PGD: variants seen among roughly 807,000 people sequenced by gnomAD.
PGD encodes phosphogluconate dehydrogenase.
Under a neutral mutation model 60.4 loss-of-function variants are expected in PGD, and 21 were observed. That is an observed-to-expected ratio of 0.35 (90% confidence interval 0.25 to 0.50). The LOEUF (loss-of-function observed/expected upper bound fraction) is 0.50, where lower values mean the gene tolerates loss of function less well. PGD is among the 20% of genes least tolerant of loss of function. The pLI, the probability that PGD is intolerant of heterozygous loss-of-function variation, is 0.98. For synonymous variants in PGD, 230 were observed against 235.9 expected (o/e 0.97, Z 0.23); for missense variants, 477 against 613.1 (o/e 0.78, Z 2.34).
rs543426528 is a variant in PGD at position 10,409,649 on chromosome 1, CTTTTTTT to C, written c.519+1529_519+1535del. 2.7e-4 allele frequency among the ~76,000 whole-genome samples: 20 copies of C among 75,404 alleles called. 1 individual carries two copies. Among genetic ancestry groups the C allele is most frequent in the African/African-American group, 1.1e-3 (18 of 16,422 alleles). The allele number at this position is 75,404 out of a possible 152,430, so 49.5% of individuals were successfully genotyped here. ...CTGCAATAAAAGTGAGTGGTAGCAA[CTTTTTTT>C]TTTTTTTTTTTTTTTTTTTGAGACA... On this transcript the variant is annotated intron_variant, in intron 6 of 12. Transcript: ENST00000270776.
chr1:10,407,697 G>C (rs749189154), intron 5 of PGD, among the ~76,000 whole-genome samples: 1 of 152,098 alleles, frequency 6.6e-6, no homozygotes, highest in Non-Finnish European at 1.5e-5. Context: ...TGTAATCCCA[G>C]CACATTGGGT....
chr1:10,419,712 A>T lies in PGD; in HGVS notation c.1415A>T (p.His472Leu), dbSNP rs779614121. The change falls in exon 13 of 13, where the codon CAT (histidine) becomes CTT (leucine). Residue 472 changes from histidine (H) to leucine (L), a missense_variant. His to Leu is a moderately conservative substitution (Grantham distance 99). Transcript: ENST00000270776. The part of the protein sequence containing the change: ...GQFIHTNWTG[H>L]GGTVSSSSYN... ...TTTATCCACACCAACTGGACAGGCC[A>T]TGGTGGCACCGTGTCATCCTCGTCA... 1 of 1,614,246 alleles carries T rather than the reference A, an allele frequency of 6.2e-7. No individual in the cohort carries two copies. The highest frequency in any genetic ancestry group is 1.1e-5 in the South Asian group (1 of 91,088).
At chr1:10,417,196 T>C (rs1262469062) in intron 9 of PGD, 79 bp downstream of exon 9, 1 of 1,536,536 alleles carries the variant, frequency 6.5e-7, no homozygotes, top group East Asian at 2.3e-5. Flanking sequence ...GGGAGAACAC[T>C]CGAGGCCACA....
At chr1:10,404,976 A>G (rs1292958916) in intron 5 of PGD, among the ~76,000 whole-genome samples, 1 of 152,216 alleles carries the variant, frequency 6.6e-6, no homozygotes, top group Non-Finnish European at 1.5e-5. Context: ...CACTTTGGGA[A>G]GCTGCGGTGA....
Position 10,419,682 on chromosome 1 carries a change from G to A in PGD, c.1385G>A (p.Gly462Glu), listed in dbSNP as rs1238129880. The change falls in exon 13 of 13, where the codon GGG (glycine) becomes GAG (glutamate). Residue 462 changes from glycine (G) to glutamate (E), a missense_variant. Coordinates refer to ENST00000270776, the MANE Select transcript of PGD (RefSeq NM_002631.4). ...AHTYELLAKP[G>E]QFIHTNWTGH... ...ACCTATGAACTCTTGGCCAAACCAG[G>A]GCAGTTTATCCACACCAACTGGACA... 6 of 1,614,158 alleles carry A rather than the reference G, an allele frequency of 3.7e-6. No individual in the cohort carries two copies. The highest frequency in any genetic ancestry group is 4.2e-6 in the Non-Finnish European group (5 of 1,180,026).
intron 4 of PGD, 69 bp from the exon 5 acceptor site, chr1:10,404,092 G>T: frequency 9.4e-7 from 1 of 1,068,116 alleles, no homozygotes. Flanking sequence ...ACATTTTTGG[G>T]TAGCATAATG....
chr1:10,399,103 G>C lies in PGD; in HGVS notation c.-15G>C, dbSNP rs750599036. Reference sequence around the variant, plus strand: ...CCGCGCGTCGCCGCTCTTCGGTTCTGCTCTGTCCGCCGCCATGGCCCAGTG... The same window carrying C: ...CCGCGCGTCGCCGCTCTTCGGTTCTCCTCTGTCCGCCGCCATGGCCCAGTG... On this transcript the variant is annotated 5_prime_UTR_variant, in exon 1 of 13. Coordinates refer to ENST00000270776, the MANE Select transcript of PGD (RefSeq NM_002631.4). The C allele has an allele frequency of 1.2e-6, 2 of 1,609,718 alleles. No individual in the cohort carries two copies. The highest frequency in any genetic ancestry group is 2.2e-5 in the South Asian group (2 of 91,024).
rs755450753 is a variant in PGD, at chr1:10,399,106, C to T, written c.-12C>T. The T allele has an allele frequency of 5.0e-6, 8 of 1,609,878 alleles. No individual in the cohort carries two copies. The highest frequency in any genetic ancestry group is 5.1e-6 in the Non-Finnish European group (6 of 1,179,740). ...CGCGTCGCCGCTCTTCGGTTCTGCT[C>T]TGTCCGCCGCCATGGCCCAGTGAGT... On this transcript the variant is annotated 5_prime_UTR_variant, in exon 1 of 13. Coordinates refer to ENST00000270776, the MANE Select transcript of PGD (RefSeq NM_002631.4).
At position 10,400,471 on chromosome 1, in the gene PGD, G is replaced by T; in HGVS notation, c.163G>T (p.Ala55Ser). 2 of 1,613,780 alleles carry T rather than the reference G, an allele frequency of 1.2e-6. No homozygotes were observed. The highest frequency in any genetic ancestry group is 2.2e-5 in the South Asian group (2 of 91,072). ...GGCAAAGGGAACCAAAGTGGTGGGT[G>T]CCCAGTCCCTGAAAGAGATGGTCTC... ...NEAKGTKVVG[A>S]QSLKEMVSKL... is the part of the protein sequence containing the mutation. Residue 55 changes from alanine (A) to serine (S), a missense_variant, in exon 3 of 13, where the codon GCC becomes TCC. Physicochemically the swap from Ala to Ser is moderately conservative, Grantham distance 99. Around this residue, in one of 3 missense-constraint regions of PGD, gnomAD observed 431 missense variants for 556.6 expected, o/e 0.77. Transcript: ENST00000270776.
At chr1:10,410,190 C>T (rs1466752829) in intron 6 of PGD, among the ~76,000 whole-genome samples, 2 of 152,102 alleles carry the variant, frequency 1.3e-5, no homozygotes, top group African/African-American at 2.4e-5. Flanking sequence ...GTGGCTCATG[C>T]CTGGAATCCC....
At chr1:10,417,773 G>T (rs1441931067) in intron 10 of PGD, among the ~76,000 whole-genome samples, 1 of 151,882 alleles carries the variant, frequency 6.6e-6, no homozygotes, top group Admixed American at 6.6e-5. Flanking sequence ...GCCATGATGC[G>T]ATCTTGACTC....
rs56014054 is a variant in PGD, at chr1:10,399,617, C to T, written c.9-12C>T. On this transcript the variant is annotated splice_polypyrimidine_tract_variant and intron_variant, in intron 1 of 12. Transcript: ENST00000270776. ...GCTGACTCTTTCCTTTGTTCTGTTT[C>T]TGCCTCTCTAGAGCTGACATCGCGC... The T allele has an allele frequency of 1.8e-3, 2,975 of 1,612,590 alleles. 7 individuals carry two copies. Among genetic ancestry groups the T allele is most frequent in the Non-Finnish European group, 1.9e-3 (2,259 of 1,179,292 alleles).
rs775479473 is a variant in PGD at position 10,399,147 on chromosome 1, G to A, written c.8+22G>A. Reference sequence around the variant, plus strand: ...CCCAGTGAGTGACTCGCCAGGGGCAGCCCGGCTCGGCCTCAGCGGGCGGGG... The same window carrying A: ...CCCAGTGAGTGACTCGCCAGGGGCAACCCGGCTCGGCCTCAGCGGGCGGGG... On this transcript the variant is annotated intron_variant, in intron 1 of 12. Transcript: ENST00000270776. 6 of 1,607,648 alleles carry A rather than the reference G, an allele frequency of 3.7e-6. No homozygotes were observed. The South Asian group carries it at 6.6e-5, about 18-fold the overall frequency.
rs1467485855 is a variant in PGD, at chr1:10,412,873, G to C, written c.655-189G>C. On this transcript the variant is annotated intron_variant, in intron 7 of 12. Transcript: ENST00000270776. ...GGTGGCCAGAAATTCAGTATAACCAGGTTCAGAACAAACACAACTGACTCT... is the reference window on the plus strand; with the variant it reads ...GGTGGCCAGAAATTCAGTATAACCACGTTCAGAACAAACACAACTGACTCT... 1.4e-5 allele frequency: 8 copies of C among 553,722 alleles called. No individual in the cohort carries two copies. The East Asian group carries it at 2.0e-4, about 14-fold the overall frequency. The allele number at this position is 553,722 out of a possible 1,614,324, so 34.3% of individuals were successfully genotyped here. A position where few individuals can be genotyped will look rare whatever the true frequency, so the allele number is the denominator to read the frequency against.
At chr1:10,404,805 A>G (rs904320353) in intron 5 of PGD, among the ~76,000 whole-genome samples, 1 of 152,152 alleles carries the variant, frequency 6.6e-6, no homozygotes, top group African/African-American at 2.4e-5. Flanking sequence ...TGGCCTCTAA[A>G]TAGGCTTTAA....
intron 6 of PGD, 83 bp from the exon 7 acceptor site, chr1:10,411,334 GA>G: frequency 8.7e-6 from 13 of 1,490,520 alleles, no homozygotes; most frequent in Non-Finnish European, 1.2e-5. Flanking sequence ...CCTTGCCAGG[GA>G]TGTTGGCATG....
intron 6 of PGD, among the ~76,000 whole-genome samples, chr1:10,410,530 G>A (rs769958903): frequency 9.2e-5 from 14 of 152,068 alleles, no homozygotes; most frequent in Admixed American, 3.9e-4. Context: ...CCAGGAGAGA[G>A]ACTGCCCAGG....
intron 2 of PGD, chr1:10,399,955 G>A (rs1639287806): frequency 1.7e-6 from 1 of 571,900 alleles, no homozygotes; most frequent in Non-Finnish European, 3.1e-6. Context: ...AGTGTCTTAA[G>A]TAGAGAAGAA....
intron 9 of PGD, 65 bp from the exon 10 acceptor site, chr1:10,417,311 C>G: frequency 6.6e-7 from 1 of 1,524,736 alleles, no homozygotes; most frequent in Non-Finnish European, 8.9e-7. Flanking sequence ...GAGAATAAGA[C>G]TGGTAGACAT....
Sources: allele counts gnomAD v4.1 joint callset (sites outside exome capture counted in the v4.1 genomes callset), GRCh38; gene constraint gnomAD v4.1.1; regional missense constraint gnomAD v4.1.1; transcripts MANE v1.5; gene names NCBI Gene and HGNC (gene_info 2026-07-23, HGNC 2026-07-21).